TRHDE: variants seen among roughly 807,000 people sequenced by gnomAD.
TRHDE encodes thyrotropin-releasing hormone-degrading ectoenzyme.
In TRHDE, 72 loss-of-function variants were observed where a neutral mutation model predicts 125.7. That is an observed-to-expected ratio of 0.57 (90% CI 0.47 to 0.70). The LOEUF (loss-of-function observed/expected upper bound fraction) is 0.70, where lower values mean the gene tolerates loss of function less well. Among genes scored for constraint, TRHDE ranks in the 30% least tolerant of loss-of-function variants. The pLI, the probability that TRHDE is intolerant of heterozygous loss-of-function variation, is 0.00. For missense variants in TRHDE, 1,110 were observed against 1,327.1 expected (o/e 0.84, Z 2.54); for synonymous variants, 509 against 509.1 (o/e 1.00, Z 0.00).
At chr12:72,120,974 A>C (rs1003996663) in intron 2 of TRHDE, among the ~76,000 whole-genome samples, 1 of 150,770 alleles carries the variant, frequency 6.6e-6, no homozygotes, top group Non-Finnish European at 1.5e-5. Context: ...CACTGCACCC[A>C]CCCCTCTTTA....
chr12:72,485,886 C>T (rs997926333), intron 5 of TRHDE, among the ~76,000 whole-genome samples: 37 of 152,226 alleles, frequency 2.4e-4, no homozygotes, highest in African/African-American at 8.7e-4. Flanking sequence ...CACTGCTTCC[C>T]ACCCTTCAGC....
rs112704501 is a variant in TRHDE, at chr12:72,293,891, G to A, written c.1188+6937G>A. On this transcript the variant is annotated intron_variant, in intron 2 of 18. Coordinates refer to ENST00000261180, the MANE Select transcript of TRHDE (RefSeq NM_013381.3). ...GCCAAGGATGAGTCAGGTGTGGAAC[G>A]GTGAGGGGTGTGTGAGTGAGCATGG... is the stretch of plus-strand genomic sequence containing the variant. Among the ~76,000 whole-genome samples, 490 of 152,302 alleles carry A rather than the reference G, an allele frequency of 3.2e-3. 2 individuals are homozygous for A. Among genetic ancestry groups the A allele is most frequent in the African/African-American group, 0.011 (464 of 41,558 alleles).
intron 2 of TRHDE, among the ~76,000 whole-genome samples, chr12:72,204,225 G>A (rs1877619447): frequency 6.6e-6 from 1 of 152,076 alleles, no homozygotes; most frequent in Admixed American, 6.6e-5. Flanking sequence ...AGATTCAATA[G>A]CATGTTTCTA....
At position 72,273,301 on chromosome 12, in the gene TRHDE, A is replaced by C; in HGVS notation, c.658A>C (p.Asn220His). The change falls in exon 1 of 19, where the codon AAC becomes CAC. Residue 220 changes from asparagine to histidine, a missense_variant. Coordinates refer to ENST00000261180, the MANE Select transcript of TRHDE (RefSeq NM_013381.3). The surrounding 1 kb of genome is among the most constrained non-coding windows in gnomAD (Gnocchi z 5.3). ...GEVNVEIACR[N>H]ATRYVVLHAS... ...GGTCAACGTGGAGATCGCGTGCCGGAACGCCACCCGCTACGTAGTGCTGCA... is the reference window on the plus strand; with the variant it reads ...GGTCAACGTGGAGATCGCGTGCCGGCACGCCACCCGCTACGTAGTGCTGCA... The C allele has an allele frequency of 6.2e-7, 1 of 1,613,548 alleles. No individual in the cohort carries two copies. Among genetic ancestry groups the C allele is most frequent in the Middle Eastern group, 1.6e-4 (1 of 6,062 alleles).
At chr12:72,311,156 C>G (rs538635412) in intron 2 of TRHDE, among the ~76,000 whole-genome samples, 1 of 152,222 alleles carries the variant, frequency 6.6e-6, no homozygotes, top group South Asian at 2.1e-4. Flanking sequence ...CTTTATGTCT[C>G]TTTGTGGTCA....
chr12:72,154,781 T>G (rs1876462818), intron 2 of TRHDE, among the ~76,000 whole-genome samples: 1 of 152,238 alleles, frequency 6.6e-6, no homozygotes, highest in Admixed American at 6.5e-5. Flanking sequence ...TCTGATGGGC[T>G]TCCCCTTGTG....
chr12:72,122,891 A>G (rs1875625122), intron 2 of TRHDE, among the ~76,000 whole-genome samples: 1 of 152,086 alleles, frequency 6.6e-6, no homozygotes, highest in South Asian at 2.1e-4. Context: ...ATACCTTCTA[A>G]ATGTTTCTTA....
intron 3 of TRHDE, among the ~76,000 whole-genome samples, chr12:72,440,492 G>T (rs1387749824): frequency 6.6e-6 from 1 of 151,198 alleles, no homozygotes; most frequent in Non-Finnish European, 1.5e-5. Flanking sequence ...TTTTGTAGAG[G>T]GCTCAAAATA....
chr12:72,599,897 C>G (rs1872138394), intron 12 of TRHDE, among the ~76,000 whole-genome samples: 1 of 151,964 alleles, frequency 6.6e-6, no homozygotes, highest in Non-Finnish European at 1.5e-5. Flanking sequence ...AATTTTTAAT[C>G]CATCTTGACT....
rs183260516 is a variant in TRHDE at position 72,259,231 on chromosome 12, C to T, written n.280-118764C>T. Among the ~76,000 whole-genome samples the T allele has an allele frequency of 3.3e-3, 503 of 152,148 alleles. 3 individuals carry two copies. The highest frequency in any genetic ancestry group is 0.01 in the Middle Eastern group (3 of 294). On this transcript the variant is annotated intron_variant and non_coding_transcript_variant, in intron 2 of 4. Transcript: ENST00000548156. ...TTTACTTACTATATAATTGTGGATT[C>T]ATGGGTTCCTCTTTATGCAGTGGAT...
At chr12:72,488,870 T>G (rs1364155891) in intron 5 of TRHDE, among the ~76,000 whole-genome samples, 1 of 151,672 alleles carries the variant, frequency 6.6e-6, no homozygotes, top group Non-Finnish European at 1.5e-5. Context: ...TTCACAAATA[T>G]GTGGAAATTA....
intron 3 of TRHDE, among the ~76,000 whole-genome samples, chr12:72,420,467 T>C (rs939643292): frequency 3.3e-5 from 5 of 152,158 alleles, no homozygotes; most frequent in Admixed American, 6.6e-5. Flanking sequence ...TTCAAGCCAG[T>C]ATTATATTCA....
intron 2 of TRHDE, among the ~76,000 whole-genome samples, chr12:72,125,644 T>C (rs564134154): frequency 6.6e-6 from 1 of 152,334 alleles, no homozygotes; most frequent in African/African-American, 2.4e-5. Context: ...GTATGTAGCA[T>C]TTTTTAATGC....
chr12:72,494,068 G>A (rs918137410), intron 5 of TRHDE, among the ~76,000 whole-genome samples: 1 of 152,104 alleles, frequency 6.6e-6, no homozygotes, highest in South Asian at 2.1e-4. Flanking sequence ...CTGAGATATA[G>A]CAGGTGCTTA....
chr12:72,483,439 G>T, intron 5 of TRHDE, among the ~76,000 whole-genome samples: 1 of 151,820 alleles, frequency 6.6e-6, no homozygotes, highest in East Asian at 1.9e-4. Flanking sequence ...AAGAATTAAA[G>T]AAACTTATAT....
intron 2 of TRHDE, among the ~76,000 whole-genome samples, chr12:72,246,094 T>C (rs1260639630): frequency 1.3e-5 from 2 of 152,194 alleles, no homozygotes; most frequent in African/African-American, 4.8e-5. Context: ...TCATGTTTAA[T>C]TATTTCTCAA....
intron 3 of TRHDE, among the ~76,000 whole-genome samples, chr12:72,410,901 A>G (rs1451236790): frequency 6.6e-6 from 1 of 151,976 alleles, no homozygotes; most frequent in East Asian, 1.9e-4. Context: ...GAGATTAAAA[A>G]CAACATACAG....
intron 2 of TRHDE, among the ~76,000 whole-genome samples, chr12:72,322,850 G>A (rs1026215317): frequency 6.6e-6 from 1 of 152,092 alleles, no homozygotes; most frequent in African/African-American, 2.4e-5. Flanking sequence ...TTGTGTATCA[G>A]TTAACAGTGG....
At chr12:72,238,325 T>TA (rs1437979039) in intron 2 of TRHDE, among the ~76,000 whole-genome samples, 2 of 32,256 alleles carry the variant, frequency 6.2e-5, no homozygotes, top group Middle Eastern at 0.014. Context: ...TATATATACA[T>TA]ATATATATAC....
Sources: gnomAD v4.1 joint callset for allele counts (sites outside exome capture counted in the v4.1 genomes callset) on GRCh38, gnomAD v4.1.1 for gene constraint, Gnocchi (gnomAD v3.1) non-coding constraint, MANE v1.5 for transcripts, NCBI Gene and HGNC (gene_info 2026-07-23, HGNC 2026-07-21) for gene names.